The following SMYD3 variants were observed in gnomAD, a reference collection of about 807,000 sequenced individuals.
SMYD3 encodes histone-lysine N-methyltransferase SMYD3.
In SMYD3, 36 loss-of-function variants were observed where a neutral mutation model predicts 57.7. That is an observed-to-expected ratio of 0.62 (90% confidence interval 0.48 to 0.82). SMYD3 has a LOEUF of 0.82. Among genes scored for constraint, SMYD3 ranks in the 40% least tolerant of loss-of-function variants. The pLI is 0.00. For missense variants in SMYD3, 515 were observed against 538.8 expected, an observed-to-expected ratio of 0.96 and a Z score of 0.44; for synonymous variants, 211 against 195.0, an observed-to-expected ratio of 1.08 and a Z score of -0.68.
rs1195345189 is a variant in SMYD3, at chr1:246,240,663, T to C, written c.531+86538A>G. Among the ~76,000 whole-genome samples the C allele has an allele frequency of 3.9e-5, 6 of 152,246 alleles. No individual in the cohort carries two copies. The East Asian group carries it at 1.2e-3, about 29-fold the overall frequency. ...GTAGCTTGATGGCAATAGCATTGAATCTACAAATTACCTTGGGCTGTATGG... is the reference window on the plus strand; with the variant it reads ...GTAGCTTGATGGCAATAGCATTGAACCTACAAATTACCTTGGGCTGTATGG... On this transcript the variant is annotated intron_variant, in intron 5 of 11. Coordinates refer to ENST00000490107, the MANE Select transcript of SMYD3 (RefSeq NM_001167740.2).
At chr1:246,200,190 G>C (rs1399798807) in intron 5 of SMYD3, among the ~76,000 whole-genome samples, 2 of 151,542 alleles carry the variant, frequency 1.3e-5, no homozygotes, top group African/African-American at 4.9e-5. Flanking sequence ...CACTGTGATA[G>C]AGAAGACAGA....
At chr1:246,062,250 G>A (rs1047100997) in intron 5 of SMYD3, among the ~76,000 whole-genome samples, 3 of 152,158 alleles carry the variant, frequency 2.0e-5, no homozygotes, top group East Asian at 1.9e-4. Context: ...ATATTTCCCC[G>A]AGATCATAAA....
At chr1:245,784,685 T>C (rs2046963285) in intron 10 of SMYD3, among the ~76,000 whole-genome samples, 1 of 152,116 alleles carries the variant, frequency 6.6e-6, no homozygotes, top group Admixed American at 6.5e-5. Context: ...GAATGACCTT[T>C]CTGGAAAGCC....
At chr1:245,771,127 T>C (rs2046318570) in intron 10 of SMYD3, among the ~76,000 whole-genome samples, 1 of 151,070 alleles carries the variant, frequency 6.6e-6, no homozygotes, top group Admixed American at 6.6e-5. Context: ...CATACATATA[T>C]ATACATGTAT....
chr1:246,180,101 A>C (rs953222021), intron 5 of SMYD3, among the ~76,000 whole-genome samples: 1 of 151,364 alleles, frequency 6.6e-6, no homozygotes, highest in East Asian at 1.9e-4. Flanking sequence ...TGAGCCACAG[A>C]GTTCAAGACC....
At chr1:246,102,189 G>A (rs1019059926) in intron 5 of SMYD3, among the ~76,000 whole-genome samples, 37 of 152,152 alleles carry the variant, frequency 2.4e-4, no homozygotes, top group African/African-American at 8.7e-4. Context: ...GTGTCACCTC[G>A]AACTCCTTGC....
At chr1:246,255,015 A>C (rs963970841) in intron 5 of SMYD3, among the ~76,000 whole-genome samples, 2 of 152,222 alleles carry the variant, frequency 1.3e-5, no homozygotes, top group African/African-American at 4.8e-5. Context: ...GATCAGTTTC[A>C]GGAGCCTTTT....
chr1:245,781,865 A>G (rs1466614655), intron 10 of SMYD3, among the ~76,000 whole-genome samples: 1 of 152,192 alleles, frequency 6.6e-6, no homozygotes, highest in Non-Finnish European at 1.5e-5. Flanking sequence ...GCTACTTGGG[A>G]AGCTGAAGCA....
intron 10 of SMYD3, among the ~76,000 whole-genome samples, chr1:245,807,834 A>C (rs1259702492): frequency 6.6e-6 from 1 of 152,000 alleles, no homozygotes; most frequent in African/African-American, 2.4e-5. Flanking sequence ...AAAACAAAAA[A>C]CAAAAAAACA....
intron 8 of SMYD3, among the ~76,000 whole-genome samples, chr1:245,893,939 T>G (rs2053565613): frequency 6.6e-6 from 1 of 152,212 alleles, no homozygotes; most frequent in African/African-American, 2.4e-5. Flanking sequence ...AGGGCTATAC[T>G]CTTGAAAGCT....
At chr1:246,061,954 G>A (rs1488708193) in intron 5 of SMYD3, among the ~76,000 whole-genome samples, 6 of 152,152 alleles carry the variant, frequency 3.9e-5, no homozygotes, top group South Asian at 4.2e-4. Flanking sequence ...AGGCCACAAC[G>A]TTACAATATA....
At chr1:246,246,703 G>T (rs2063710042) in intron 5 of SMYD3, among the ~76,000 whole-genome samples, 1 of 151,712 alleles carries the variant, frequency 6.6e-6, no homozygotes, top group South Asian at 2.1e-4. Context: ...ATGGCCCTAT[G>T]AAGTTATTTT....
At chr1:246,250,973 G>T (rs1381846543) in intron 5 of SMYD3, among the ~76,000 whole-genome samples, 1 of 152,168 alleles carries the variant, frequency 6.6e-6, no homozygotes, top group Non-Finnish European at 1.5e-5. Flanking sequence ...TGTAATTTTT[G>T]TGGGTACATA....
intron 5 of SMYD3, among the ~76,000 whole-genome samples, chr1:246,051,765 C>G (rs2060071313): frequency 6.6e-6 from 1 of 152,018 alleles, no homozygotes; most frequent in Non-Finnish European, 1.5e-5. Context: ...ATATAGGCTA[C>G]TAAAAAGAAT....
chr1:246,372,268 G>A (rs2066205593), intron 1 of SMYD3, among the ~76,000 whole-genome samples: 3 of 152,190 alleles, frequency 2.0e-5, no homozygotes, highest in South Asian at 2.1e-4. Context: ...CCTCTAGTGA[G>A]CATGTTGTAT....
At chr1:246,136,803 G>C (rs1305743147) in intron 5 of SMYD3, among the ~76,000 whole-genome samples, 1 of 152,226 alleles carries the variant, frequency 6.6e-6, no homozygotes, top group Admixed American at 6.5e-5. Flanking sequence ...GATGCAGACA[G>C]TCCTAAATGT....
intron 10 of SMYD3, among the ~76,000 whole-genome samples, chr1:245,854,899 T>A (rs2051159604): frequency 6.6e-6 from 1 of 152,194 alleles, no homozygotes; most frequent in Non-Finnish European, 1.5e-5. Flanking sequence ...GAACCATTGT[T>A]CATGTTTTCT....
At chr1:245,828,116 A>T (rs1021313893) in intron 10 of SMYD3, among the ~76,000 whole-genome samples, 10 of 152,266 alleles carry the variant, frequency 6.6e-5, no homozygotes, top group Non-Finnish European at 1.0e-4. Flanking sequence ...GCAAATTCCT[A>T]GTCTTTATCC....
intron 10 of SMYD3, among the ~76,000 whole-genome samples, chr1:245,796,608 ATGTG>A (rs1295915585): frequency 6.6e-6 from 1 of 152,212 alleles, no homozygotes; most frequent in Non-Finnish European, 1.5e-5. Context: ...GACACTGGAA[ATGTG>A]AGTATCAGCT....
Sources: gnomAD v4.1 joint callset for allele counts (sites outside exome capture counted in the v4.1 genomes callset) on GRCh38, gnomAD v4.1.1 for gene constraint, MANE v1.5 for transcripts, NCBI Gene and HGNC (gene_info 2026-07-23, HGNC 2026-07-21) for gene names.